TMEM181: variants seen among roughly 807,000 people sequenced by gnomAD.
TMEM181 encodes the protein transmembrane protein 181.
A neutral mutation model predicts 71.9 loss-of-function variants in TMEM181; 39 were observed. The observed-to-expected ratio is 0.54, with a 90% CI of 0.42 to 0.71. TMEM181 has a LOEUF of 0.71. Ranked by LOEUF, TMEM181 falls within the 30% of genes least tolerant of loss-of-function variation. The pLI is 0.00. For missense variants in TMEM181, 595 were observed against 583.0 expected, an observed-to-expected ratio of 1.02 and a Z score of -0.21; for synonymous variants, 245 against 228.8, an observed-to-expected ratio of 1.07 and a Z score of -0.64.
At chr6:158,600,579 C>T (rs892412947) in intron 6 of TMEM181, among the ~76,000 whole-genome samples, 3 of 150,072 alleles carry the variant, frequency 2.0e-5, no homozygotes, top group Non-Finnish European at 4.4e-5. Context: ...AAGCACTTCT[C>T]CCTGCCTCAG....
chr6:158,562,037 G>A, intron 1 of TMEM181, among the ~76,000 whole-genome samples: 1 of 152,256 alleles, frequency 6.6e-6, no homozygotes, highest in African/African-American at 2.4e-5. Flanking sequence ...GAAGTCCAGG[G>A]AAAGAATGGG....
At chr6:158,592,279 A>G (rs545168112) in intron 6 of TMEM181, among the ~76,000 whole-genome samples, 14 of 152,342 alleles carry the variant, frequency 9.2e-5, no homozygotes, top group Non-Finnish European at 2.1e-4. Flanking sequence ...GACTTCTGAA[A>G]TTATGTTCAT....
intron 14 of TMEM181, among the ~76,000 whole-genome samples, chr6:158,628,945 C>G (rs1786503232): frequency 6.6e-6 from 1 of 152,238 alleles, no homozygotes; most frequent in Admixed American, 6.5e-5. Context: ...CGGGATATCT[C>G]TCTCATCATC....
intron 2 of TMEM181, among the ~76,000 whole-genome samples, chr6:158,580,090 G>T (rs1437628504): frequency 6.6e-6 from 1 of 152,210 alleles, no homozygotes; most frequent in Non-Finnish European, 1.5e-5. Flanking sequence ...CGGCACTTTG[G>T]GAGGCTGAGG....
chr6:158,554,482 A>G (rs1043379322), intron 1 of TMEM181, among the ~76,000 whole-genome samples: 1 of 152,174 alleles, frequency 6.6e-6, no homozygotes, highest in South Asian at 2.1e-4. Context: ...AGCCTCCCAA[A>G]GTGCTAGGAT....
chr6:158,619,697 C>T (rs1016366933), intron 10 of TMEM181, among the ~76,000 whole-genome samples: 2 of 151,846 alleles, frequency 1.3e-5, no homozygotes, highest in African/African-American at 2.4e-5. Flanking sequence ...GGTGAAATGC[C>T]GTCTGTACTA....
chr6:158,610,766 C>T, intron 10 of TMEM181: 1 of 313,260 alleles, frequency 3.2e-6, no homozygotes, highest in Non-Finnish European at 6.0e-6. Context: ...CCAGCCTGTG[C>T]TGCGTCATTG....
intron 1 of TMEM181, 59 bp downstream of exon 1, chr6:158,560,291 TG>T (rs1360499298): frequency 1.0e-6 from 1 of 984,852 alleles, no homozygotes; most frequent in Non-Finnish European, 1.2e-6. Flanking sequence ...GGCCGAAAGT[TG>T]GGGATCCCTG....
At chr6:158,629,184 GTTCT>G (rs1786521845) in intron 14 of TMEM181, among the ~76,000 whole-genome samples, 1 of 152,268 alleles carries the variant, frequency 6.6e-6, no homozygotes, top group African/African-American at 2.4e-5. Context: ...TAGATCCTGG[GTTCT>G]TTCTTTGGGA....
chr6:158,612,710 A>G lies in TMEM181; in HGVS notation c.896+3960A>G, dbSNP rs111976750. On this transcript the variant is annotated intron_variant, in intron 10 of 16. Coordinates refer to ENST00000684151, the MANE Select transcript of TMEM181 (RefSeq NM_001376852.1). ...CAACATTTCTTTCCCAATGAGAGGC[A>G]GAGGCACATGTTTGGAAAGACCCAT... 2.1e-3 allele frequency among the ~76,000 whole-genome samples: 321 copies of G among 152,370 alleles called. 2 individuals carry two copies. Among genetic ancestry groups the G allele is most frequent in the African/African-American group, 7.3e-3 (302 of 41,590 alleles).
upstream of TMEM181, among the ~76,000 whole-genome samples, chr6:158,557,473 C>T (rs141942849): frequency 6.6e-6 from 1 of 151,706 alleles, no homozygotes; most frequent in East Asian, 1.9e-4. Context: ...ATGATCATAG[C>T]ACCTTTCATT....
intron 10 of TMEM181, chr6:158,610,440 A>G: frequency 3.5e-6 from 1 of 286,606 alleles, no homozygotes. Context: ...AACTTAGTCA[A>G]GGTCCCTTTG....
At chr6:158,567,975 C>T (rs141991926) in intron 1 of TMEM181, among the ~76,000 whole-genome samples, 190 of 151,992 alleles carry the variant, frequency 1.3e-3, no homozygotes, top group Middle Eastern at 6.8e-3. Context: ...CTGAGCAGGG[C>T]GAGGCTGTTA....
At chr6:158,559,235 G>A (rs1053089651), upstream of TMEM181, among the ~76,000 whole-genome samples, 1 of 152,112 alleles carries the variant, frequency 6.6e-6, no homozygotes, top group Non-Finnish European at 1.5e-5. Context: ...AGCACCCTGA[G>A]CTAAGGCTAC....
At chr6:158,569,597 CTT>C (rs57907555) in intron 1 of TMEM181, among the ~76,000 whole-genome samples, 34 of 139,764 alleles carry the variant, frequency 2.4e-4, no homozygotes, top group Admixed American at 3.6e-4. Context: ...TGCCCTTTCT[CTT>C]TTTTTTTTTT....
At position 158,620,477 on chromosome 6, in the gene TMEM181, C is replaced by CCGGCATG. The variant is rs1345313824; in HGVS notation, c.897-3070_897-3064dup. 2.8e-4 allele frequency among the ~76,000 whole-genome samples: 43 copies of CCGGCATG among 152,012 alleles called. No homozygotes were observed. Among genetic ancestry groups the CCGGCATG allele is most frequent in the Middle Eastern group, 3.2e-3 (1 of 316 alleles). On this transcript the variant is annotated intron_variant, in intron 10 of 16. Coordinates refer to ENST00000684151, the MANE Select transcript of TMEM181 (RefSeq NM_001376852.1). This position sits in a 1 kb window ranked among gnomAD's most constrained non-coding sequence, Gnocchi z 4.5. ...TGGAATCACCAAAGGGCTTCCCGAA[C>CCGGCATG]CGGCATGCGTGAGGAAGAGAGAGGG...
Position 158,580,309 on chromosome 6 carries a change from A to C in TMEM181, c.113-631A>C, listed in dbSNP as rs1783401085. On this transcript the variant is annotated intron_variant, in intron 2 of 16. Transcript: ENST00000684151. ...TGCGCTATTGCACTCCAGCCTGGGC[A>C]ACAAGAACAAAAAGAAAAAAAATAG... 3.3e-5 allele frequency among the ~76,000 whole-genome samples: 5 copies of C among 152,154 alleles called. No homozygotes were observed. The South Asian group carries it at 1.0e-3, about 31-fold the overall frequency.
Position 158,570,357 on chromosome 6 carries a change from C to T in TMEM181, c.9-3063C>T, listed in dbSNP as rs549724955. 2.0e-3 allele frequency among the ~76,000 whole-genome samples: 306 copies of T among 151,704 alleles called. 2 individuals carry two copies. The highest frequency in any genetic ancestry group is 6.7e-3 in the African/African-American group (275 of 41,352). On this transcript the variant is annotated intron_variant, in intron 1 of 16. Transcript: ENST00000684151. ...ACACCGTTCTCCTGCCTCGGCCTCC[C>T]GAGTAGCTGGGACTACAGGTGCCCG...
intron 3 of TMEM181, among the ~76,000 whole-genome samples, chr6:158,583,497 T>C (rs917245067): frequency 3.3e-5 from 5 of 152,126 alleles, no homozygotes; most frequent in African/African-American, 1.2e-4. Flanking sequence ...ATGTCACTTA[T>C]GTTCTTGAAA....
Sources: gnomAD v4.1 joint callset for allele counts (sites outside exome capture counted in the v4.1 genomes callset) on GRCh38, gnomAD v4.1.1 for gene constraint, Gnocchi (gnomAD v3.1) non-coding constraint, MANE v1.5 for transcripts, NCBI Gene and HGNC (gene_info 2026-07-23, HGNC 2026-07-21) for gene names.